DCC: variants seen among roughly 807,000 people sequenced by gnomAD.
DCC encodes the protein DCC netrin 1 receptor.
A neutral mutation model predicts 172.5 loss-of-function variants in DCC; 58 were observed. The observed-to-expected ratio is 0.34, with a 90% CI of 0.27 to 0.42. The LOEUF (loss-of-function observed/expected upper bound fraction) is 0.42. DCC is among the 10% of genes least tolerant of loss of function. The pLI is 1.00. For synonymous variants in DCC, 709 were observed against 644.5 expected (o/e 1.10, Z -1.52); for missense variants, 1,740 against 1,791.0 (o/e 0.97, Z 0.51).
chr18:53,167,051 CTT>C (rs1309230646), intron 8 of DCC, among the ~76,000 whole-genome samples: 2 of 152,084 alleles, frequency 1.3e-5, no homozygotes, highest in East Asian at 3.9e-4. Context: ...TGCTAAAAAT[CTT>C]TCCACTAAGA....
chr18:53,130,097 CT>C (rs1488541115), intron 7 of DCC, among the ~76,000 whole-genome samples: 1 of 152,026 alleles, frequency 6.6e-6, no homozygotes, highest in African/African-American at 2.4e-5. Context: ...TTTTGCTTGT[CT>C]ATTTTTCTTG....
chr18:53,242,731 A>G (rs2056315045), intron 12 of DCC, among the ~76,000 whole-genome samples: 1 of 152,162 alleles, frequency 6.6e-6, no homozygotes, highest in Non-Finnish European at 1.5e-5. Flanking sequence ...CAGGCCTGAT[A>G]CACACCATGG....
intron 1 of DCC, among the ~76,000 whole-genome samples, chr18:52,421,378 A>T (rs926936086): frequency 6.6e-6 from 1 of 152,194 alleles, no homozygotes; most frequent in African/African-American, 2.4e-5. Context: ...TAACAGCTGC[A>T]TATGGCTAAC....
At chr18:52,826,725 C>T (rs1022005603) in intron 2 of DCC, among the ~76,000 whole-genome samples, 43 of 152,176 alleles carry the variant, frequency 2.8e-4, no homozygotes, top group African/African-American at 9.2e-4. Context: ...ATTATCTGCC[C>T]GCCTAAGCCT....
At chr18:52,438,931 A>G (rs1211754571) in intron 1 of DCC, among the ~76,000 whole-genome samples, 1 of 152,206 alleles carries the variant, frequency 6.6e-6, no homozygotes, top group Non-Finnish European at 1.5e-5. Context: ...TGAAGCTAGG[A>G]AGACTTGAAA....
chr18:53,068,096 G>A (rs964904498), intron 7 of DCC, among the ~76,000 whole-genome samples: 1 of 152,180 alleles, frequency 6.6e-6, no homozygotes, highest in Admixed American at 6.5e-5. Flanking sequence ...AAGATCACCA[G>A]TTTCTCTGAT....
At chr18:53,426,634 C>T (rs1052295345) in intron 21 of DCC, among the ~76,000 whole-genome samples, 9 of 139,532 alleles carry the variant, frequency 6.5e-5, no homozygotes, top group Non-Finnish European at 9.6e-5. Context: ...CACTGGGTCA[C>T]GTGTTTGTTT....
intron 5 of DCC, among the ~76,000 whole-genome samples, chr18:52,945,459 G>A (rs1309392468): frequency 2.0e-5 from 3 of 152,166 alleles, no homozygotes; most frequent in Admixed American, 6.5e-5. Flanking sequence ...ATATTAGAGA[G>A]GATATCTAAA....
At chr18:52,796,354 G>A (rs1306464350) in intron 2 of DCC, among the ~76,000 whole-genome samples, 1 of 152,020 alleles carries the variant, frequency 6.6e-6, no homozygotes, top group Non-Finnish European at 1.5e-5. Context: ...GTGATTTTCA[G>A]AATGGTAACA....
intron 2 of DCC, among the ~76,000 whole-genome samples, chr18:52,767,061 A>T (rs2037265251): frequency 2.6e-5 from 4 of 151,576 alleles, no homozygotes; most frequent in Admixed American, 2.6e-4. Context: ...CTCTATGAGT[A>T]TTGGCCTGTT....
At chr18:52,701,463 T>C (rs1290455372) in intron 1 of DCC, among the ~76,000 whole-genome samples, 1 of 152,140 alleles carries the variant, frequency 6.6e-6, no homozygotes, top group Non-Finnish European at 1.5e-5. Context: ...ATAATAAAAA[T>C]GTAAATACTG....
intron 15 of DCC, among the ~76,000 whole-genome samples, chr18:53,352,687 A>T (rs998183335): frequency 6.6e-6 from 1 of 152,118 alleles, no homozygotes; most frequent in African/African-American, 2.4e-5. Flanking sequence ...TCAATCTCTG[A>T]CTTTTAATCA....
intron 15 of DCC, among the ~76,000 whole-genome samples, chr18:53,380,706 A>G (rs1314663705): frequency 2.0e-5 from 3 of 152,196 alleles, no homozygotes; most frequent in Non-Finnish European, 2.9e-5. Flanking sequence ...ATTACTTTAG[A>G]AAAACCATTG....
chr18:52,401,762 T>A (rs1247540716), intron 1 of DCC, among the ~76,000 whole-genome samples: 1 of 152,064 alleles, frequency 6.6e-6, no homozygotes, highest in Non-Finnish European at 1.5e-5. Context: ...TTTTTTCTGT[T>A]AGAAGTTCAT....
chr18:53,354,235 G>T (rs2057850457), intron 15 of DCC, among the ~76,000 whole-genome samples: 1 of 152,168 alleles, frequency 6.6e-6, no homozygotes, highest in Admixed American at 6.5e-5. Context: ...GTGTGCATGT[G>T]TCTTTATAGC....
chr18:52,377,523 A>G (rs966217016), intron 1 of DCC, among the ~76,000 whole-genome samples: 1 of 152,138 alleles, frequency 6.6e-6, no homozygotes, highest in Non-Finnish European at 1.5e-5. Context: ...CACTGCTAGC[A>G]TTTAGATATT....
intron 5 of DCC, among the ~76,000 whole-genome samples, chr18:53,041,345 G>A (rs796438247): frequency 1.5e-4 from 23 of 152,070 alleles, no homozygotes; most frequent in African/African-American, 5.3e-4. Flanking sequence ...TATTTCTGAA[G>A]CCTCTGTTTT....
intron 2 of DCC, among the ~76,000 whole-genome samples, chr18:52,765,486 T>C (rs1037921768): frequency 2.6e-5 from 4 of 152,212 alleles, no homozygotes; most frequent in Non-Finnish European, 5.9e-5. Flanking sequence ...CTCTTGCCTT[T>C]TCTTCCTCAG....
At chr18:52,439,300 G>A (rs1472246105) in intron 1 of DCC, among the ~76,000 whole-genome samples, 1 of 151,234 alleles carries the variant, frequency 6.6e-6, no homozygotes, top group Non-Finnish European at 1.5e-5. Context: ...ACATCAATAA[G>A]AAAACTTAAG....
Sources: allele counts gnomAD v4.1 joint callset (sites outside exome capture counted in the v4.1 genomes callset), GRCh38; gene constraint gnomAD v4.1.1; transcripts MANE v1.5; gene names NCBI Gene and HGNC (gene_info 2026-07-23, HGNC 2026-07-21).